The following SPON1 variants were observed in gnomAD, a reference collection of about 807,000 sequenced individuals.
SPON1 encodes the protein spondin 1, also known as spondin-1.
SPON1 carries 52 observed loss-of-function variants against 111.7 expected under a neutral mutation model. That is an observed-to-expected ratio of 0.47 (90% CI 0.37 to 0.59). The LOEUF (loss-of-function observed/expected upper bound fraction) is 0.59. SPON1 is among the 20% of genes least tolerant of loss of function. The pLI, the probability that SPON1 is intolerant of heterozygous loss-of-function variation, is 0.00. For missense variants in SPON1, 957 were observed against 1,068.5 expected, an observed-to-expected ratio of 0.90 and a Z score of 1.46; for synonymous variants, 410 against 395.8, an observed-to-expected ratio of 1.04 and a Z score of -0.43.
intron 13 of SPON1, among the ~76,000 whole-genome samples, chr11:14,260,361 C>G (rs972065968): frequency 1.3e-5 from 2 of 152,006 alleles, no homozygotes; most frequent in Non-Finnish European, 2.9e-5. Flanking sequence ...CATGTCATAA[C>G]CATCGGGGGG....
chr11:14,032,309 A>G (rs1295854967), intron 2 of SPON1, among the ~76,000 whole-genome samples: 2 of 140,954 alleles, frequency 1.4e-5, no homozygotes, highest in African/African-American at 2.4e-5. Flanking sequence ...CGTTTGTTTC[A>G]TATTTTTTGC....
intron 6 of SPON1, among the ~76,000 whole-genome samples, chr11:14,177,445 G>C (rs1053634991): frequency 2.6e-5 from 4 of 152,120 alleles, no homozygotes; most frequent in Admixed American, 2.6e-4. Context: ...TTCTTGTGCT[G>C]AGTCAGTTCC....
intron 6 of SPON1, among the ~76,000 whole-genome samples, chr11:14,194,820 A>G (rs1848383773): frequency 6.6e-6 from 1 of 152,206 alleles, no homozygotes; most frequent in Non-Finnish European, 1.5e-5. Flanking sequence ...TATTTTTAAA[A>G]TTTATTTTAT....
At chr11:14,044,175 G>T (rs1554917627) in intron 3 of SPON1, among the ~76,000 whole-genome samples, 1 of 150,682 alleles carries the variant, frequency 6.6e-6, no homozygotes, top group Non-Finnish European at 1.5e-5. Flanking sequence ...TTCTCTGAAG[G>T]AATCATATAT....
intron 3 of SPON1, among the ~76,000 whole-genome samples, chr11:14,063,008 T>C (rs1848803108): frequency 6.6e-6 from 1 of 152,100 alleles, no homozygotes; most frequent in Admixed American, 6.5e-5. Flanking sequence ...CTTCCCTCTT[T>C]TTTTCCTCTC....
intron 9 of SPON1, among the ~76,000 whole-genome samples, chr11:14,256,407 C>T (rs528019272): frequency 1.3e-5 from 2 of 152,272 alleles, no homozygotes; most frequent in Admixed American, 1.3e-4. Context: ...AGTGGTGGTA[C>T]CCAAGTTATG....
chr11:14,116,312 C>T (rs1554925997), intron 5 of SPON1, among the ~76,000 whole-genome samples: 1 of 152,056 alleles, frequency 6.6e-6, no homozygotes, highest in East Asian at 1.9e-4. Context: ...TTTTTGCCTA[C>T]CTCAAAGTCG....
chr11:14,151,361 G>T (rs1847786208), intron 6 of SPON1, among the ~76,000 whole-genome samples: 1 of 152,176 alleles, frequency 6.6e-6, no homozygotes, highest in Non-Finnish European at 1.5e-5. Flanking sequence ...GAAAGGTGGA[G>T]TCCTTTCATA....
intron 3 of SPON1, among the ~76,000 whole-genome samples, chr11:14,049,636 TA>T (rs1848694057): frequency 6.6e-6 from 1 of 152,144 alleles, no homozygotes; most frequent in Admixed American, 6.5e-5. Context: ...TTGCAGGCAG[TA>T]AGGACACAGA....
intron 3 of SPON1, among the ~76,000 whole-genome samples, chr11:14,056,786 G>A (rs1286001557): frequency 6.6e-6 from 1 of 152,166 alleles, no homozygotes; most frequent in Non-Finnish European, 1.5e-5. Context: ...AGCTACTTGG[G>A]AGGCTGAGGC....
chr11:13,979,783 A>G (rs1054382456), intron 1 of SPON1, among the ~76,000 whole-genome samples: 1 of 152,146 alleles, frequency 6.6e-6, no homozygotes, highest in Non-Finnish European at 1.5e-5. Flanking sequence ...GTAAAAAGGT[A>G]TTTGAAGAAA....
intron 6 of SPON1, among the ~76,000 whole-genome samples, chr11:14,178,348 G>A (rs1474609839): frequency 6.6e-6 from 1 of 151,512 alleles, no homozygotes; most frequent in Non-Finnish European, 1.5e-5. Context: ...CGTGAACACA[G>A]GAGGCAGAGC....
In SPON1 at chr11:14,136,235, T is replaced by C. The variant is rs181193375; in HGVS notation, c.825+667T>C. Among the ~76,000 whole-genome samples, 433 of 152,302 alleles carry C rather than the reference T, an allele frequency of 2.8e-3. 1 individual carries two copies. The highest frequency in any genetic ancestry group is 9.5e-3 in the African/African-American group (396 of 41,572). Reference sequence around the variant, plus strand: ...AGAGAACCTTGGAAGAAGAGCCACGTGGCTCAGTGGTGGTTTGCTGCAAGA... The same window carrying C: ...AGAGAACCTTGGAAGAAGAGCCACGCGGCTCAGTGGTGGTTTGCTGCAAGA... On this transcript the variant is annotated intron_variant, in intron 6 of 15. Transcript: ENST00000576479.
At chr11:14,010,196 A>G (rs900631686) in intron 2 of SPON1, among the ~76,000 whole-genome samples, 1 of 152,182 alleles carries the variant, frequency 6.6e-6, no homozygotes, top group Non-Finnish European at 1.5e-5. Flanking sequence ...CAGCTAATTC[A>G]GCTGGAGAGG....
At chr11:14,187,646 G>A (rs896636251) in intron 6 of SPON1, among the ~76,000 whole-genome samples, 3 of 152,192 alleles carry the variant, frequency 2.0e-5, no homozygotes, top group East Asian at 1.9e-4. Context: ...TCAGAGTCTC[G>A]ATCTGTTGCC....
intron 2 of SPON1, among the ~76,000 whole-genome samples, chr11:13,994,457 A>C (rs1554911547): frequency 6.6e-6 from 1 of 151,256 alleles, no homozygotes. Flanking sequence ...CACACACACA[A>C]AACCTGCACT....
At chr11:13,993,472 G>A (rs1848247388) in intron 2 of SPON1, among the ~76,000 whole-genome samples, 1 of 152,132 alleles carries the variant, frequency 6.6e-6, no homozygotes, top group Non-Finnish European at 1.5e-5. Context: ...ACTGCTCCCT[G>A]GAATGCTGTG....
At chr11:14,128,992 C>G (rs1470448384) in intron 5 of SPON1, among the ~76,000 whole-genome samples, 2 of 152,256 alleles carry the variant, frequency 1.3e-5, no homozygotes, top group Non-Finnish European at 2.9e-5. Context: ...GCTGCACAGA[C>G]CAGCAGGGCC....
intron 3 of SPON1, among the ~76,000 whole-genome samples, chr11:14,050,883 T>C (rs782741813): frequency 6.6e-6 from 1 of 152,200 alleles, no homozygotes; most frequent in Non-Finnish European, 1.5e-5. Flanking sequence ...CTGAGATGCA[T>C]ACATGTGAGT....
Sources: allele counts gnomAD v4.1 joint callset (sites outside exome capture counted in the v4.1 genomes callset), GRCh38; gene constraint gnomAD v4.1.1; transcripts MANE v1.5; gene names NCBI Gene and HGNC (gene_info 2026-07-23, HGNC 2026-07-21).